JADE2: variants seen among roughly 807,000 people sequenced by gnomAD.
The protein encoded by JADE2 is E3 ubiquitin-protein ligase Jade-2.
In JADE2, 13 loss-of-function variants were observed where a neutral mutation model predicts 85.7. The observed-to-expected ratio is 0.15, with a 90% CI of 0.10 to 0.24. The LOEUF is 0.24. Ranked by LOEUF, JADE2 falls within the 10% of genes least tolerant of loss-of-function variation. The pLI is 1.00. For synonymous variants in JADE2, 440 were observed against 456.1 expected, an observed-to-expected ratio of 0.96 and a Z score of 0.45; for missense variants, 846 against 1,115.9, an observed-to-expected ratio of 0.76 and a Z score of 3.45.
At position 134,566,403 on chromosome 5, in the gene JADE2, G is replaced by A. The variant is rs1028692168; in HGVS notation, c.1257G>A (p.Leu419=). ...EPAEVAERLD[L]AEALVDFIYQ... Reference sequence around the variant, plus strand: ...CTGAGGTGGCTGAGCGGCTGGACCTGGCTGAGGCACTGGTCGACTTCATCT... The same window carrying A: ...CTGAGGTGGCTGAGCGGCTGGACCTAGCTGAGGCACTGGTCGACTTCATCT... The change falls in exon 9 of 12, where the codon CTG becomes CTA. Residue 419 remains leucine (L), a synonymous_variant. Transcript: ENST00000681547. The surrounding 1 kb of genome is among the most constrained non-coding windows in gnomAD (Gnocchi z 6.7). The A allele has an allele frequency of 1.2e-6, 2 of 1,613,958 alleles. No homozygotes were observed. The highest frequency in any genetic ancestry group is 1.1e-5 in the South Asian group (1 of 91,086).
chr5:134,574,340 C>T (rs191326759), intron 10 of JADE2: 1 of 177,016 alleles, frequency 5.6e-6, no homozygotes, highest in African/African-American at 2.4e-5. Flanking sequence ...GAAGGAAGCG[C>T]TGACATTGAT....
Position 134,579,192 on chromosome 5 carries a change from G to A in JADE2, c.2380G>A (p.Asp794Asn). 6.2e-7 allele frequency: 1 copy of A among 1,614,262 alleles called. No homozygotes were observed. ...KVSLHFDTET[D>N]GYFSDGEMSD... is the part of the protein sequence containing the mutation. ...CAGCCTGCATTTTGACACTGAGACTGATGGCTACTTCTCTGATGGGGAGAT... is the reference window on the plus strand; with the variant it reads ...CAGCCTGCATTTTGACACTGAGACTAATGGCTACTTCTCTGATGGGGAGAT... Residue 794 changes from aspartate (D) to asparagine (N), a missense_variant, in exon 12 of 12, where the codon GAT becomes AAT. Asp to Asn is a conservative substitution (Grantham distance 23). Around this residue, in one of 9 missense-constraint regions of JADE2, gnomAD observed 300 missense variants for 300.7 expected, o/e 1.00. Coordinates refer to ENST00000681547, the MANE Select transcript of JADE2 (RefSeq NM_001388185.1). The surrounding 1 kb of genome is among the most constrained non-coding windows in gnomAD (Gnocchi z 4.6).
intron 5 of JADE2, 46 bp downstream of exon 5, chr5:134,560,036 G>A: frequency 6.2e-7 from 1 of 1,608,908 alleles, no homozygotes; most frequent in Non-Finnish European, 8.5e-7. Flanking sequence ...TGGGCAGGGA[G>A]GGTTTTCTCC....
At position 134,583,213 on chromosome 5, in the gene JADE2, G is replaced by A. The variant is rs1212987603; in HGVS notation, c.*3896G>A. 1 of 152,418 alleles carries A rather than the reference G, an allele frequency of 6.6e-6. No individual in the cohort carries two copies. The highest frequency in any genetic ancestry group is 2.4e-5 in the African/African-American group (1 of 41,424). 9.4% of individuals were successfully genotyped at this position (152,418 alleles called of 1,614,324 possible). On this transcript the variant is annotated 3_prime_UTR_variant, in exon 12 of 12. Coordinates refer to ENST00000681547, the MANE Select transcript of JADE2 (RefSeq NM_001388185.1). Reference sequence around the variant, plus strand: ...TGTGTTGGCAAACGCAGTTAATAAAGCAGTGTTTTCTGTGCTGGCTGGTGT... The same window carrying A: ...TGTGTTGGCAAACGCAGTTAATAAAACAGTGTTTTCTGTGCTGGCTGGTGT...
intron 3 of JADE2, among the ~76,000 whole-genome samples, chr5:134,541,165 C>T (rs1761939193): frequency 6.6e-6 from 1 of 152,214 alleles, no homozygotes; most frequent in African/African-American, 2.4e-5. Flanking sequence ...ATGAAGTCCT[C>T]CCCGCCCAGA....
At position 134,537,996 on chromosome 5, in the gene JADE2, G is replaced by A. The variant is rs755377226; in HGVS notation, c.66G>A (p.Ala22=). 1.9e-5 allele frequency: 30 copies of A among 1,613,866 alleles called. No individual in the cohort carries two copies. Among genetic ancestry groups the A allele is most frequent in the East Asian group, 6.7e-5 (3 of 44,878 alleles). Residue 22 remains alanine (A), a synonymous_variant, in exon 3 of 12, where the codon GCG becomes GCA. Coordinates refer to ENST00000681547, the MANE Select transcript of JADE2 (RefSeq NM_001388185.1). The part of the protein sequence containing the change: ...SDNSDTTDSH[A]TSTSASRCSK... ...ACTGTTCTCTCTCTGCAGGTCATGC[G>A]ACATCTACATCCGCATCAAGATGCT...
At position 134,579,348 on chromosome 5, in the gene JADE2, C is replaced by A; in HGVS notation, c.*31C>A. 1 of 1,500,880 alleles carries A rather than the reference C, an allele frequency of 6.7e-7. No individual in the cohort carries two copies. The highest frequency in any genetic ancestry group is 8.9e-7 in the Non-Finnish European group (1 of 1,118,204). The allele number at this position is 1,500,880 out of a possible 1,614,324, so 93.0% of individuals were successfully genotyped here. On this transcript the variant is annotated 3_prime_UTR_variant, in exon 12 of 12. Transcript: ENST00000681547. This position sits in a 1 kb window ranked among gnomAD's most constrained non-coding sequence, Gnocchi z 4.6. ...CCCCTTCCCTGTCCCAGGCCCTGCC[C>A]TGGTCCCCCCACAAGGCCTCAGCCC...
intron 3 of JADE2, among the ~76,000 whole-genome samples, chr5:134,547,708 A>G (rs1307910593): frequency 1.3e-5 from 2 of 152,340 alleles, no homozygotes; most frequent in East Asian, 3.9e-4. Flanking sequence ...TGGAGTACCC[A>G]GCTGTAGTCT....
intron 3 of JADE2, among the ~76,000 whole-genome samples, chr5:134,547,576 A>T (rs139770580): frequency 6.6e-6 from 1 of 152,356 alleles, no homozygotes; most frequent in East Asian, 1.9e-4. Flanking sequence ...TTAGGAGAAC[A>T]TTTAAGCCTT....
intron 1 of JADE2, among the ~76,000 whole-genome samples, chr5:134,531,192 G>A (rs1761211412): frequency 2.0e-5 from 3 of 152,188 alleles, no homozygotes; most frequent in African/African-American, 7.2e-5. Context: ...ACAGAGTGGA[G>A]TACAGCGTGT....
chr5:134,551,026 T>A (rs1762559752), intron 3 of JADE2, among the ~76,000 whole-genome samples: 1 of 152,110 alleles, frequency 6.6e-6, no homozygotes, highest in African/African-American at 2.4e-5. Flanking sequence ...GTGAAGCCAC[T>A]ATCTAGGCTG....
At position 134,547,075 on chromosome 5, in the gene JADE2, G is replaced by A. The variant is rs76040436; in HGVS notation, c.154-4977G>A. Among the ~76,000 whole-genome samples the A allele has an allele frequency of 4.5e-3, 687 of 152,308 alleles. 4 individuals carry two copies. Among genetic ancestry groups the A allele is most frequent in the African/African-American group, 0.016 (665 of 41,576 alleles). ...TCACTATCTTTATTTGCTCTTGGAG[G>A]TCACTCATGCTCTGCTTTCTTGCAG... is the stretch of plus-strand genomic sequence containing the variant. On this transcript the variant is annotated intron_variant, in intron 3 of 11. Transcript: ENST00000681547.
intron 9 of JADE2, among the ~76,000 whole-genome samples, chr5:134,570,480 G>A (rs534790655): frequency 6.6e-6 from 1 of 152,130 alleles, no homozygotes; most frequent in African/African-American, 2.4e-5. Flanking sequence ...TTTCCCTCTA[G>A]TCGTGGGTTC....
At chr5:134,551,188 A>C (rs923754650) in intron 3 of JADE2, among the ~76,000 whole-genome samples, 7 of 151,672 alleles carry the variant, frequency 4.6e-5, no homozygotes, top group Admixed American at 2.0e-4. Context: ...TGTCTTGAAC[A>C]GTCACGTAAT....
At chr5:134,567,792 C>T (rs1763741796) in intron 9 of JADE2, among the ~76,000 whole-genome samples, 1 of 152,194 alleles carries the variant, frequency 6.6e-6, no homozygotes, top group Non-Finnish European at 1.5e-5. Context: ...CCTATTGCCC[C>T]CAGAGAGCCC....
At chr5:134,534,695 GC>G (rs1761473384) in intron 1 of JADE2, among the ~76,000 whole-genome samples, 1 of 152,154 alleles carries the variant, frequency 6.6e-6, no homozygotes. Context: ...GGGCAGTGGG[GC>G]TTTCTCTCTA....
upstream of JADE2, among the ~76,000 whole-genome samples, chr5:134,524,708 G>A (rs536844235): frequency 2.0e-5 from 3 of 152,228 alleles, no homozygotes; most frequent in African/African-American, 7.2e-5. Flanking sequence ...CACCCGGGAG[G>A]GGGGAGGGGG....
At chr5:134,576,394 A>G (rs1304358652) in intron 10 of JADE2, among the ~76,000 whole-genome samples, 1 of 152,106 alleles carries the variant, frequency 6.6e-6, no homozygotes, top group Non-Finnish European at 1.5e-5. Context: ...CCCCTCAGGT[A>G]GTGTTCCTTC....
Position 134,579,609 on chromosome 5 carries a change from C to T in JADE2, c.*292C>T. Reference sequence around the variant, plus strand: ...GTATTGCTGGGCTCCTGGCTAGATGCAAGCAAGGTGGACAAGAGCTCAGGA... The same window carrying T: ...GTATTGCTGGGCTCCTGGCTAGATGTAAGCAAGGTGGACAAGAGCTCAGGA... On this transcript the variant is annotated 3_prime_UTR_variant, in exon 12 of 12. Coordinates refer to ENST00000681547, the MANE Select transcript of JADE2 (RefSeq NM_001388185.1). This position sits in a 1 kb window ranked among gnomAD's most constrained non-coding sequence, Gnocchi z 4.6. 2.6e-6 allele frequency: 1 copy of T among 378,086 alleles called. No homozygotes were observed. The highest frequency in any genetic ancestry group is 4.8e-6 in the Non-Finnish European group (1 of 207,864). The allele number at this position is 378,086 out of a possible 1,614,324, so 23.4% of individuals were successfully genotyped here.
Sources: gnomAD v4.1 joint callset for allele counts (sites outside exome capture counted in the v4.1 genomes callset) on GRCh38, gnomAD v4.1.1 for gene constraint, gnomAD v4.1.1 regional missense constraint, Gnocchi (gnomAD v3.1) non-coding constraint, MANE v1.5 for transcripts, NCBI Gene and HGNC (gene_info 2026-07-23, HGNC 2026-07-21) for gene names.